KAZN: variants seen among roughly 807,000 people sequenced by gnomAD.
KAZN encodes kazrin, periplakin interacting protein.
KAZN carries 40 observed loss-of-function variants against 87.4 expected under a neutral mutation model. That is an observed-to-expected ratio of 0.46 (90% CI 0.36 to 0.60). The LOEUF (loss-of-function observed/expected upper bound fraction) is 0.60. Among genes scored for constraint, KAZN ranks in the 20% least tolerant of loss-of-function variants. The pLI, the probability that KAZN is intolerant of heterozygous loss-of-function variation, is 0.00. For synonymous variants in KAZN, 466 were observed against 458.3 expected, an observed-to-expected ratio of 1.02 and a Z score of -0.22; for missense variants, 898 against 1,073.9, an observed-to-expected ratio of 0.84 and a Z score of 2.29.
intron 1 of KAZN, among the ~76,000 whole-genome samples, chr1:14,149,903 A>G (rs1455513640): frequency 2.0e-5 from 3 of 152,198 alleles, no homozygotes; most frequent in Admixed American, 6.5e-5. Context: ...AGGAAAACCG[A>G]TCTCTCTAAT....
chr1:15,067,291 G>A (rs184147511), intron 8 of KAZN: 144 of 985,464 alleles, frequency 1.5e-4, no homozygotes, highest in African/African-American at 1.0e-3. Context: ...CTTGGACTCC[G>A]TCCCCCAACT....
intron 1 of KAZN, among the ~76,000 whole-genome samples, chr1:14,049,765 A>G (rs1267552554): frequency 6.6e-6 from 1 of 152,116 alleles, no homozygotes; most frequent in Non-Finnish European, 1.5e-5. Flanking sequence ...TCCGTCTGGC[A>G]CTGGGGTGAT....
intron 1 of KAZN, among the ~76,000 whole-genome samples, chr1:14,685,878 G>T (rs1640923738): frequency 6.6e-6 from 1 of 152,170 alleles, no homozygotes; most frequent in Non-Finnish European, 1.5e-5. Context: ...GCGCACGTGT[G>T]TATTCAATTC....
chr1:14,167,328 G>A (rs989634833), intron 1 of KAZN, among the ~76,000 whole-genome samples: 2 of 152,096 alleles, frequency 1.3e-5, no homozygotes, highest in Non-Finnish European at 2.9e-5. Flanking sequence ...TCAACATCCC[G>A]AGCCTCTGAA....
chr1:14,895,756 C>T (rs2101202982), intron 1 of KAZN, among the ~76,000 whole-genome samples: 1 of 152,346 alleles, frequency 6.6e-6, no homozygotes, highest in African/African-American at 2.4e-5. Flanking sequence ...CAGCAGAAAG[C>T]TCCGTCCTCT....
At chr1:13,951,056 G>A (rs1204741209) in intron 1 of KAZN, among the ~76,000 whole-genome samples, 1 of 152,062 alleles carries the variant, frequency 6.6e-6, no homozygotes, top group Non-Finnish European at 1.5e-5. Context: ...TTTTTCTTTG[G>A]CTAATACCCA....
At chr1:14,965,532 T>C (rs922281995) in intron 2 of KAZN, among the ~76,000 whole-genome samples, 3 of 152,238 alleles carry the variant, frequency 2.0e-5, no homozygotes, top group Admixed American at 1.3e-4. Flanking sequence ...GTCAGGTGTT[T>C]TGAGCGTGTT....
At chr1:14,324,996 C>T (rs887689341) in intron 2 of KAZN, among the ~76,000 whole-genome samples, 3 of 152,124 alleles carry the variant, frequency 2.0e-5, no homozygotes, top group Admixed American at 1.3e-4. Flanking sequence ...AGCCATTATT[C>T]GGTCTTTATC....
At position 15,066,042 on chromosome 1, in the gene KAZN, CT is replaced by C; in HGVS notation, c.1222+290del. ...CAAACCGTGTGTGAACCTGTCAACT[CT>C]CTGTCGTCTTTGGAGCGATACAGTT... On this transcript the variant is annotated intron_variant, in intron 8 of 14. Coordinates refer to ENST00000376030, the MANE Select transcript of KAZN (RefSeq NM_201628.3). The surrounding 1 kb of genome is among the most constrained non-coding windows in gnomAD (Gnocchi z 4.3). The C allele has an allele frequency of 8.1e-7, 1 of 1,228,848 alleles. No individual in the cohort carries two copies. Among genetic ancestry groups the C allele is most frequent in the Non-Finnish European group, 1.0e-6 (1 of 985,180 alleles). The allele number at this position is 1,228,848 out of a possible 1,614,324, so 76.1% of individuals were successfully genotyped here. A position where few individuals can be genotyped will look rare whatever the true frequency, so the allele number is the denominator to read the frequency against.
chr1:14,465,006 C>T (rs1668042357), intron 2 of KAZN, among the ~76,000 whole-genome samples: 1 of 152,120 alleles, frequency 6.6e-6, no homozygotes, highest in Non-Finnish European at 1.5e-5. Flanking sequence ...AGGAATCCAA[C>T]AAGGAGGATT....
At position 15,025,297 on chromosome 1, in the gene KAZN, A is replaced by G. The variant is rs543867430; in HGVS notation, c.419-9452A>G. 3.9e-5 allele frequency among the ~76,000 whole-genome samples: 6 copies of G among 152,274 alleles called. No individual in the cohort carries two copies. The South Asian group carries it at 1.2e-3, about 32-fold the overall frequency. On this transcript the variant is annotated intron_variant, in intron 2 of 14. Coordinates refer to ENST00000376030, the MANE Select transcript of KAZN (RefSeq NM_201628.3). ...TGCTGTTTGGAGTTTTTTTGCCACCATCTCACTGGTGTGAATAGACTCATT... is the reference window on the plus strand; with the variant it reads ...TGCTGTTTGGAGTTTTTTTGCCACCGTCTCACTGGTGTGAATAGACTCATT...
In KAZN at chr1:14,902,419, G is replaced by C. The variant is rs552236294; in HGVS notation, c.227-58265G>C. ...TTTTTTGTATTTTTTTAGTAGAGAC[G>C]GGGTTTCACCGTGTTAGCCAGGATG... is the stretch of plus-strand genomic sequence containing the variant. On this transcript the variant is annotated intron_variant, in intron 1 of 14. Coordinates refer to ENST00000376030, the MANE Select transcript of KAZN (RefSeq NM_201628.3). 4.6e-5 allele frequency among the ~76,000 whole-genome samples: 7 copies of C among 152,016 alleles called. No homozygotes were observed. The South Asian group carries it at 1.5e-3, about 32-fold the overall frequency.
intron 2 of KAZN, among the ~76,000 whole-genome samples, chr1:14,196,869 A>T (rs1382289161): frequency 2.0e-5 from 3 of 152,106 alleles, no homozygotes; most frequent in East Asian, 1.9e-4. Context: ...AAAGACTGAG[A>T]TGGAGCAGCC....
At chr1:14,785,195 CA>C (rs1645472998) in intron 1 of KAZN, among the ~76,000 whole-genome samples, 1 of 151,818 alleles carries the variant, frequency 6.6e-6, no homozygotes, top group Non-Finnish European at 1.5e-5. Flanking sequence ...TCATGGATTC[CA>C]AAAAAAGTTG....
At chr1:14,033,618 A>G (rs1641419934) in intron 1 of KAZN, among the ~76,000 whole-genome samples, 2 of 152,196 alleles carry the variant, frequency 1.3e-5, no homozygotes, top group Non-Finnish European at 2.9e-5. Flanking sequence ...GGTTATTGAA[A>G]GTGAGGAAGG....
intron 1 of KAZN, among the ~76,000 whole-genome samples, chr1:13,899,196 A>G (rs570668099): frequency 1.8e-4 from 27 of 152,232 alleles, no homozygotes; most frequent in Non-Finnish European, 3.4e-4. Context: ...GGGCACAACC[A>G]TAGGTGGCAC....
intron 8 of KAZN, among the ~76,000 whole-genome samples, chr1:15,093,502 G>A (rs1388943956): frequency 3.3e-5 from 5 of 152,096 alleles, no homozygotes; most frequent in Admixed American, 2.0e-4. Context: ...TCATGTAAGA[G>A]GGGGGCGGGG....
intron 1 of KAZN, among the ~76,000 whole-genome samples, chr1:14,622,470 C>T (rs953637935): frequency 6.6e-6 from 1 of 151,824 alleles, no homozygotes; most frequent in African/African-American, 2.4e-5. Flanking sequence ...GCGGGCGGAT[C>T]ACGAGGTCAG....
intron 2 of KAZN, among the ~76,000 whole-genome samples, chr1:14,982,221 T>G (rs1255608040): frequency 8.3e-6 from 1 of 120,960 alleles, no homozygotes; most frequent in Non-Finnish European, 1.8e-5. Context: ...CTCCGGCCGT[T>G]CCAGCCCGCG....
Sources: gnomAD v4.1 joint callset for allele counts (sites outside exome capture counted in the v4.1 genomes callset) on GRCh38, gnomAD v4.1.1 for gene constraint, Gnocchi (gnomAD v3.1) non-coding constraint, MANE v1.5 for transcripts, NCBI Gene and HGNC (gene_info 2026-07-23, HGNC 2026-07-21) for gene names.